TPTE: variants seen among roughly 807,000 people sequenced by gnomAD.
TPTE encodes putative tyrosine-protein phosphatase TPTE.
TPTE carries 59 observed loss-of-function variants against 84.1 expected under a neutral mutation model. The observed-to-expected ratio is 0.70, with a 90% CI of 0.57 to 0.87. The LOEUF is 0.87. Among genes scored for constraint, TPTE ranks in the 40% least tolerant of loss-of-function variants. The pLI, the probability that TPTE is intolerant of heterozygous loss-of-function variation, is 0.00. For missense variants in TPTE, 382 were observed against 659.6 expected (o/e 0.58, Z 4.61); for synonymous variants, 130 against 223.5 (o/e 0.58, Z 3.73).
At position 10,605,427 on chromosome 21, in the gene TPTE, C is replaced by G; in HGVS notation, c.1531C>G (p.Pro511Ala). The change falls in exon 24 of 24, where the codon CCA becomes GCA. Residue 511 changes from proline to alanine, a missense_variant. Transcript: ENST00000618007. ...SFIENNRLYL[P>A]KNELDNLHKQ... ...TTTTTCTATTCTTAGGCTTTATCTA[C>G]CAAAAAATGAATTGGATAATCTACA... 6.2e-7 allele frequency: 1 copy of G among 1,613,932 alleles called. No individual in the cohort carries two copies. Among genetic ancestry groups the G allele is most frequent in the Non-Finnish European group, 8.5e-7 (1 of 1,179,878 alleles).
chr21:10,594,572 T>C (rs1404095186), intron 19 of TPTE, among the ~76,000 whole-genome samples: 4 of 152,304 alleles, frequency 2.6e-5, no homozygotes, highest in African/African-American at 9.6e-5. Flanking sequence ...GCCCTGGTGG[T>C]TTACAGCCCT....
At chr21:10,560,277 C>G (rs369912732) in intron 9 of TPTE, among the ~76,000 whole-genome samples, 1 of 152,308 alleles carries the variant, frequency 6.6e-6, no homozygotes, top group Admixed American at 6.5e-5. Flanking sequence ...AGACTCTTCT[C>G]TACATAAGAG....
At chr21:10,540,655 C>T (rs2145614431) in intron 4 of TPTE, 2 of 519,138 alleles carry the variant, frequency 3.9e-6, no homozygotes, top group Admixed American at 1.9e-5. Context: ...TTGCCCATAC[C>T]CACTCTCACA....
intron 17 of TPTE, among the ~76,000 whole-genome samples, chr21:10,589,000 G>A (rs1408276437): frequency 1.3e-5 from 2 of 152,424 alleles, no homozygotes; most frequent in East Asian, 3.9e-4. Context: ...TCATCTCTGA[G>A]TTTTCATTTT....
At chr21:10,534,345 T>TA (rs1377389734) in intron 3 of TPTE, among the ~76,000 whole-genome samples, 1 of 152,308 alleles carries the variant, frequency 6.6e-6, no homozygotes, top group Non-Finnish European at 1.5e-5. Context: ...AATGCTCTCC[T>TA]AATTTTACTG....
At chr21:10,573,965 A>G (rs796503497) in intron 14 of TPTE, among the ~76,000 whole-genome samples, 331 of 151,146 alleles carry the variant, frequency 2.2e-3, no homozygotes, top group African/African-American at 7.9e-3. Context: ...ACCAGTCTGG[A>G]TTCAAGGAGT....
chr21:10,589,720 C>T (rs1384240044), intron 17 of TPTE, among the ~76,000 whole-genome samples: 1 of 152,312 alleles, frequency 6.6e-6, no homozygotes, highest in East Asian at 1.9e-4. Flanking sequence ...GTCTGCCTGT[C>T]TCACATACTG....
intron 10 of TPTE, among the ~76,000 whole-genome samples, chr21:10,565,010 G>T (rs1158739585): frequency 6.6e-6 from 1 of 152,306 alleles, no homozygotes; most frequent in South Asian, 2.1e-4. Context: ...GAGCCATTAT[G>T]GAAGAGAAAG....
rs368593383 is a variant in TPTE at position 10,592,332 on chromosome 21, A to T, written c.1129A>T (p.Thr377Ser). 5.0e-6 allele frequency: 8 copies of T among 1,613,272 alleles called. No homozygotes were observed. In the African/African-American group the frequency reaches 1.1e-4, roughly 21 times the overall value. ...TTTTGGAGAAAGGCGAACAGATAAAACCCACAGCGAAAAATTTCAGGGAGT... is the reference window on the plus strand; with the variant it reads ...TTTTGGAGAAAGGCGAACAGATAAATCCCACAGCGAAAAATTTCAGGGAGT... The part of the protein sequence containing the change: ...YYFGERRTDK[T>S]HSEKFQGVKT... Residue 377 changes from threonine (T) to serine (S), a missense_variant, in exon 19 of 24, where the codon ACC (threonine) becomes TCC (serine). Transcript: ENST00000618007.
At chr21:10,552,038 A>G (rs1600888843) in intron 7 of TPTE, among the ~76,000 whole-genome samples, 1 of 152,428 alleles carries the variant, frequency 6.6e-6, no homozygotes, top group South Asian at 2.1e-4. Context: ...TGTCTCAGCC[A>G]CTCTGACCAT....
At chr21:10,523,182 C>T (rs1365767115) in intron 1 of TPTE, among the ~76,000 whole-genome samples, 2 of 151,984 alleles carry the variant, frequency 1.3e-5, no homozygotes, top group East Asian at 1.9e-4. Context: ...GAAAAAATAA[C>T]TAGAGAGATA....
At chr21:10,574,112 C>T (rs575134600) in intron 14 of TPTE, among the ~76,000 whole-genome samples, 93 of 152,270 alleles carry the variant, frequency 6.1e-4, no homozygotes, top group African/African-American at 2.1e-3. Context: ...AAATTATAGT[C>T]GGGGCATATT....
intron 6 of TPTE, 143 bp downstream of exon 6, chr21:10,542,591 TCATC>T (rs1568960540): frequency 5.5e-5 from 62 of 1,127,870 alleles, no homozygotes; most frequent in African/African-American, 5.3e-4. Flanking sequence ...ATCCATCCAT[TCATC>T]CATCCATCCA....
chr21:10,549,910 A>G (rs2074541959), intron 7 of TPTE, among the ~76,000 whole-genome samples: 1 of 152,312 alleles, frequency 6.6e-6, no homozygotes, highest in Non-Finnish European at 1.5e-5. Flanking sequence ...GATTTTTTAA[A>G]ATAGCAAGAG....
In TPTE at chr21:10,560,963, A is replaced by G. The variant is rs1210375870; in HGVS notation, c.285-67A>G. On this transcript the variant is annotated intron_variant, in intron 9 of 23. Coordinates refer to ENST00000618007, the MANE Select transcript of TPTE (RefSeq NM_199261.4). ...CTGATCAGTGGCTTAAATATAGTATAGCTACAGGGACAAATGCCCCTTTAT... is the reference window on the plus strand; with the variant it reads ...CTGATCAGTGGCTTAAATATAGTATGGCTACAGGGACAAATGCCCCTTTAT... 3.9e-6 allele frequency: 6 copies of G among 1,551,898 alleles called. No homozygotes were observed. The Admixed American group carries it at 7.5e-5, about 19-fold the overall frequency.
intron 21 of TPTE, among the ~76,000 whole-genome samples, chr21:10,600,142 T>TTTTC (rs2075662149): frequency 6.9e-6 from 1 of 144,912 alleles, no homozygotes; most frequent in African/African-American, 2.8e-5. Context: ...TTCTTTTTCT[T>TTTTC]TTTTTTTTTT....
chr21:10,528,663 A>C (rs2074124316), intron 3 of TPTE, among the ~76,000 whole-genome samples: 1 of 152,312 alleles, frequency 6.6e-6, no homozygotes, highest in South Asian at 2.1e-4. Flanking sequence ...TATACTCAGA[A>C]AGTTACTTCT....
chr21:10,537,294 G>A (rs1277861994), intron 3 of TPTE, among the ~76,000 whole-genome samples: 6 of 152,310 alleles, frequency 3.9e-5, no homozygotes, highest in Non-Finnish European at 7.3e-5. Flanking sequence ...GGTGTTGGAC[G>A]ATACATATAT....
intron 7 of TPTE, among the ~76,000 whole-genome samples, chr21:10,549,580 C>G (rs1461084081): frequency 1.3e-5 from 2 of 152,280 alleles, no homozygotes; most frequent in East Asian, 1.9e-4. Flanking sequence ...GCTTTACAGA[C>G]AAGAACAAGC....
Sources: allele counts gnomAD v4.1 joint callset (sites outside exome capture counted in the v4.1 genomes callset), GRCh38; gene constraint gnomAD v4.1.1; transcripts MANE v1.5; gene names NCBI Gene and HGNC (gene_info 2026-07-23, HGNC 2026-07-21).